Variants in KDM6A observed in about 807,000 individuals in gnomAD.
KDM6A encodes the protein lysine-specific demethylase 6A.
Under a neutral mutation model 117.6 loss-of-function variants are expected in KDM6A, and 11 were observed. That is an observed-to-expected ratio of 0.09 (90% CI 0.06 to 0.15). The LOEUF is 0.15. KDM6A is among the 10% of genes least tolerant of loss of function. The probability of loss-of-function intolerance (pLI) is 1.00; values close to 1 mark genes in which losing one functional copy is unlikely to be tolerated. For synonymous variants in KDM6A, 384 were observed against 396.1 expected, an observed-to-expected ratio of 0.97 and a Z score of 0.36; for missense variants, 799 against 1,077.3, an observed-to-expected ratio of 0.74 and a Z score of 3.62.
chrX:45,035,522 T>C (rs2147781406), intron 7 of KDM6A, among the ~76,000 whole-genome samples: 1 of 111,177 alleles, frequency 9.0e-6, no homozygotes, highest in East Asian at 2.8e-4. Flanking sequence ...AATTATTTTC[T>C]GCTTCTATGT....
At chrX:44,915,526 C>T (rs148215021) in intron 2 of KDM6A, among the ~76,000 whole-genome samples, 1,254 of 111,935 alleles carry the variant, frequency 0.011, 22 homozygotes, top group African/African-American at 0.039. Context: ...GAGTAGTGTA[C>T]GCTCTTATCC....
Position 44,912,309 on chromosome X carries a change from G to A in KDM6A, c.225+38322G>A, listed in dbSNP as rs191725999. On this transcript the variant is annotated intron_variant, in intron 2 of 29. Coordinates refer to ENST00000611820, the MANE Select transcript of KDM6A (RefSeq NM_001291415.2). ...TCTCCATGTTGGTCAGGCTGGTCTC[G>A]AACTCTCGACCTCAGGTGATCTGCC... 6.0e-3 allele frequency among the ~76,000 whole-genome samples: 661 copies of A among 110,370 alleles called. 5 individuals are homozygous for A. Among genetic ancestry groups the A allele is most frequent in the African/African-American group, 0.02 (620 of 30,310 alleles).
intron 2 of KDM6A, among the ~76,000 whole-genome samples, chrX:44,896,986 T>G (rs910808918): frequency 2.7e-5 from 3 of 110,834 alleles, no homozygotes; most frequent in Admixed American, 1.9e-4. Flanking sequence ...TACTCACCTT[T>G]TTGTATCTTT....
chrX:44,974,896 C>G (rs1480638575), intron 4 of KDM6A, among the ~76,000 whole-genome samples, 181 bp downstream of exon 4: 2 of 111,477 alleles, frequency 1.8e-5, no homozygotes, highest in Non-Finnish European at 1.9e-5. Context: ...TATGACTCTC[C>G]TTGTATTTTA....
intron 4 of KDM6A, among the ~76,000 whole-genome samples, chrX:45,000,910 T>C (rs2147490162): frequency 8.8e-6 from 1 of 113,379 alleles, no homozygotes; most frequent in Non-Finnish European, 1.9e-5. Flanking sequence ...TCTGGGCCTC[T>C]GGCCTGCTAT....
chrX:45,011,273 A>G (rs948899304), intron 5 of KDM6A, among the ~76,000 whole-genome samples: 1 of 111,627 alleles, frequency 9.0e-6, no homozygotes, highest in Non-Finnish European at 1.9e-5. Flanking sequence ...CTTAGATTAG[A>G]AAGCTTTTTG....
At chrX:45,070,398 TACTG>T in intron 18 of KDM6A, 41 bp downstream of exon 18, 1 of 1,136,429 alleles carries the variant, frequency 8.8e-7, no homozygotes, top group Admixed American at 2.2e-5. Context: ...ATGTTTGACT[TACTG>T]GCATGATCAG....
intron 6 of KDM6A, among the ~76,000 whole-genome samples, chrX:45,021,283 A>C (rs2042160648): frequency 1.8e-5 from 2 of 111,944 alleles, no homozygotes; most frequent in East Asian, 5.6e-4. Flanking sequence ...GAAATGTGAT[A>C]TTTCTCCAGT....
At chrX:45,047,101 T>C (rs1482534926) in intron 8 of KDM6A, among the ~76,000 whole-genome samples, 1 of 111,517 alleles carries the variant, frequency 9.0e-6, no homozygotes, top group Admixed American at 9.5e-5. Context: ...TGTATTGTAT[T>C]GTTTTTCTCT....
chrX:44,984,954 C>T (rs1264165247), intron 4 of KDM6A, among the ~76,000 whole-genome samples: 1 of 110,446 alleles, frequency 9.1e-6, no homozygotes, highest in Non-Finnish European at 1.9e-5. Context: ...TGAAGAAAGT[C>T]ATTGGTAGCT....
chrX:45,102,962 G>C (rs1188325595), intron 27 of KDM6A, among the ~76,000 whole-genome samples: 1 of 110,553 alleles, frequency 9.0e-6, no homozygotes, highest in African/African-American at 3.3e-5. Context: ...TGCTTTTCCT[G>C]CATGGCTCTT....
chrX:45,055,884 T>A (rs1052717694), intron 10 of KDM6A, among the ~76,000 whole-genome samples: 2 of 111,827 alleles, frequency 1.8e-5, no homozygotes, highest in Non-Finnish European at 1.9e-5. Context: ...TATAGGTTTT[T>A]AAATTTAAAT....
At chrX:45,109,385 A>G (rs2046682953) in intron 28 of KDM6A, among the ~76,000 whole-genome samples, 1 of 111,269 alleles carries the variant, frequency 9.0e-6, no homozygotes, top group Non-Finnish European at 1.9e-5. Context: ...ACAGTAATGG[A>G]TAACATGGTG....
At chrX:44,927,965 A>G (rs1225939139) in intron 2 of KDM6A, among the ~76,000 whole-genome samples, 1 of 111,338 alleles carries the variant, frequency 9.0e-6, no homozygotes, top group Non-Finnish European at 1.9e-5. Flanking sequence ...TCGAGTTGTT[A>G]TATTATGGAA....
chrX:44,974,603 G>T lies in KDM6A; in HGVS notation c.335-63G>T, dbSNP rs1180341600. ...TGGTGGGAATCTTGTTACCGTGTTT[G>T]TTAAGTGTATTATTGACTTTAAAGT... is the stretch of plus-strand genomic sequence containing the variant. On this transcript the variant is annotated intron_variant, in intron 3 of 29. Coordinates refer to ENST00000611820, the MANE Select transcript of KDM6A (RefSeq NM_001291415.2). 1.3e-5 allele frequency: 10 copies of T among 758,216 alleles called. No homozygotes were observed. In the African/African-American group the frequency reaches 1.7e-4, roughly 13 times the overall value. 62.5% of individuals were successfully genotyped at this position (758,216 alleles called of 1,213,427 possible).
At chrX:45,054,487 A>C (rs1183474805) in intron 10 of KDM6A, among the ~76,000 whole-genome samples, 1 of 112,054 alleles carries the variant, frequency 8.9e-6, no homozygotes, top group Non-Finnish European at 1.9e-5. Flanking sequence ...ATTTGTTGGA[A>C]TGGAGAAGTG....
At chrX:44,940,826 G>A (rs1012309458) in intron 2 of KDM6A, among the ~76,000 whole-genome samples, 5 of 111,220 alleles carry the variant, frequency 4.5e-5, no homozygotes, top group East Asian at 5.7e-4. Context: ...ACCTGCGGTC[G>A]GGAGTTGGAG....
At chrX:44,890,973 C>T (rs2033315036) in intron 2 of KDM6A, among the ~76,000 whole-genome samples, 1 of 110,384 alleles carries the variant, frequency 9.1e-6, no homozygotes, top group African/African-American at 3.3e-5. Flanking sequence ...TATTTTCCAT[C>T]TGTATATTAT....
rs1272938512 is a variant in KDM6A, at chrX:45,020,862, A to T, written c.564+132A>T. 8 of 698,701 alleles carry T rather than the reference A, an allele frequency of 1.1e-5. No individual in the cohort carries two copies. The East Asian group carries it at 2.3e-4, about 20-fold the overall frequency. The allele number at this position is 698,701 out of a possible 1,213,427, so 57.6% of individuals were successfully genotyped here. ...ACTTTAAAAGAAAATTTGAAAATTC[A>T]GGTGACAGAACTGTTTATCAACTGT... On this transcript the variant is annotated intron_variant, in intron 6 of 29. Transcript: ENST00000611820.
Sources: allele counts gnomAD v4.1 joint callset (sites outside exome capture counted in the v4.1 genomes callset), GRCh38; gene constraint gnomAD v4.1.1; transcripts MANE v1.5; gene names NCBI Gene and HGNC (gene_info 2026-07-23, HGNC 2026-07-21).